ZNF2: variants seen among roughly 807,000 people sequenced by gnomAD.
The protein encoded by ZNF2 is zinc finger protein 2.
Under a neutral mutation model 21.9 loss-of-function variants are expected in ZNF2, and 12 were observed. The observed-to-expected ratio is 0.55, with a 90% CI of 0.35 to 0.89. The LOEUF (loss-of-function observed/expected upper bound fraction) is 0.89. Among genes scored for constraint, ZNF2 ranks in the 40% least tolerant of loss-of-function variants. The pLI is 0.01. For missense variants in ZNF2, 462 were observed against 544.2 expected (o/e 0.85, Z 1.50); for synonymous variants, 186 against 196.3 (o/e 0.95, Z 0.44).
At chr2:95,167,060 A>C (rs1186343294) in intron 1 of ZNF2, among the ~76,000 whole-genome samples, 1 of 152,222 alleles carries the variant, frequency 6.6e-6, no homozygotes, top group East Asian at 1.9e-4. Flanking sequence ...TATGGGCAGC[A>C]TCCATGTTTC....
intron 2 of ZNF2, 68 bp downstream of exon 2, chr2:95,176,327 T>G: frequency 1.0e-5 from 16 of 1,599,054 alleles, no homozygotes; most frequent in Non-Finnish European, 1.4e-5. Context: ...TTTCTTTCTC[T>G]ATCCTGGAGC....
chr2:95,176,132 G>T, intron 1 of ZNF2, 56 bp from the exon 2 acceptor site: 6 of 1,473,858 alleles, frequency 4.1e-6, no homozygotes, highest in Non-Finnish European at 5.7e-6. Flanking sequence ...AAGACTATGC[G>T]ACAGGACTGG....
At chr2:95,179,337 T>G (rs1385761582) in intron 3 of ZNF2, among the ~76,000 whole-genome samples, 1 of 152,200 alleles carries the variant, frequency 6.6e-6, no homozygotes, top group Non-Finnish European at 1.5e-5. Context: ...TGTCTTTGGA[T>G]ATCTGAATAG....
chr2:95,178,157 A>G (rs1416995899), intron 3 of ZNF2, among the ~76,000 whole-genome samples: 1 of 152,172 alleles, frequency 6.6e-6, no homozygotes, highest in Non-Finnish European at 1.5e-5. Flanking sequence ...AATTATAGAG[A>G]CTTGTGTGAC....
chr2:95,169,940 C>T (rs1190984889), intron 1 of ZNF2, among the ~76,000 whole-genome samples: 1 of 152,116 alleles, frequency 6.6e-6, no homozygotes, highest in East Asian at 1.9e-4. Flanking sequence ...ATATTACTTC[C>T]GTTATTCCAG....
At chr2:95,168,169 G>C (rs1252351369) in intron 1 of ZNF2, among the ~76,000 whole-genome samples, 1 of 152,012 alleles carries the variant, frequency 6.6e-6, no homozygotes, top group Non-Finnish European at 1.5e-5. Context: ...GCTCATGCCT[G>C]TAATCCCAGC....
In ZNF2 at chr2:95,182,304, A is replaced by G. The variant is rs932476926; in HGVS notation, c.*198A>G. The G allele has an allele frequency of 5.1e-5, 33 of 650,206 alleles. No homozygotes were observed. Among genetic ancestry groups the G allele is most frequent in the Non-Finnish European group, 7.9e-5 (32 of 405,374 alleles). 40.3% of individuals were successfully genotyped at this position (650,206 alleles called of 1,614,324 possible). A position where few individuals can be genotyped will look rare whatever the true frequency, so the allele number is the denominator to read the frequency against. ...AGGGGAGGCCATGGAAATGACTCTA[A>G]AGATACAAAATTTTGAAGAGGTTTG... On this transcript the variant is annotated 3_prime_UTR_variant, in exon 5 of 5. Coordinates refer to ENST00000614034, the MANE Select transcript of ZNF2 (RefSeq NM_021088.4).
chr2:95,178,986 T>G (rs1674544123), intron 3 of ZNF2, among the ~76,000 whole-genome samples: 2 of 150,464 alleles, frequency 1.3e-5, no homozygotes, highest in African/African-American at 4.9e-5. Context: ...CAGGTTTGGT[T>G]TTTTTTGTTT....
At chr2:95,177,269 A>T (rs1674478178) in intron 2 of ZNF2, among the ~76,000 whole-genome samples, 2 of 152,194 alleles carry the variant, frequency 1.3e-5, no homozygotes, top group Non-Finnish European at 2.9e-5. Flanking sequence ...TCAGAAGCTC[A>T]GCTGTAAGTA....
chr2:95,170,452 A>G (rs1377761476), intron 1 of ZNF2, among the ~76,000 whole-genome samples: 2 of 152,224 alleles, frequency 1.3e-5, no homozygotes, highest in Non-Finnish European at 2.9e-5. Context: ...GTGTGAACCC[A>G]TTGTTAAATA....
At chr2:95,175,400 T>C (rs940919732) in intron 1 of ZNF2, among the ~76,000 whole-genome samples, 2 of 152,222 alleles carry the variant, frequency 1.3e-5, no homozygotes, top group Non-Finnish European at 2.9e-5. Context: ...GTTTCACCGC[T>C]GATGGGACTG....
chr2:95,181,491 G>A lies in ZNF2; in HGVS notation c.663G>A (p.Met221Ile), dbSNP rs1674649463. ...GGAGCAGCCTCAGCAGACATCTGAT[G>A]TCACACACTGGGGAGAGCCCCTACG... ...SHRSSLSRHL[M>I]SHTGESPYEC... Residue 221 changes from methionine to isoleucine, a missense_variant, in exon 5 of 5, where the codon ATG becomes ATA. Met to Ile is a conservative substitution (Grantham distance 10). Coordinates refer to ENST00000614034, the MANE Select transcript of ZNF2 (RefSeq NM_021088.4). 3 of 1,614,038 alleles carry A rather than the reference G, an allele frequency of 1.9e-6. No homozygotes were observed. The South Asian group carries it at 3.3e-5, about 18-fold the overall frequency.
At chr2:95,179,746 A>AT (rs1243940137) in intron 3 of ZNF2, among the ~76,000 whole-genome samples, 1 of 151,980 alleles carries the variant, frequency 6.6e-6, no homozygotes, top group African/African-American at 2.4e-5. Context: ...TGCCTTTTGC[A>AT]TTTTCTCTCT....
intron 1 of ZNF2, among the ~76,000 whole-genome samples, chr2:95,172,898 A>G (rs1037656294): frequency 2.6e-5 from 4 of 151,662 alleles, no homozygotes; most frequent in African/African-American, 9.7e-5. Flanking sequence ...CGGTCTCCCA[A>G]AGTGCTGGGA....
intron 3 of ZNF2, 95 bp from the exon 4 acceptor site, chr2:95,180,064 A>G: frequency 1.1e-6 from 1 of 888,036 alleles, no homozygotes; most frequent in Non-Finnish European, 1.8e-6. Flanking sequence ...CTCAACAACA[A>G]CAAAAAAATC....
At position 95,177,623 on chromosome 2, in the gene ZNF2, C is replaced by G; in HGVS notation, c.160+14C>G. ...TTGTGTCATTGGGTAAGGGGAGCCT[C>G]CATGAGGAGGTACAGTCTGTACTAT... On this transcript the variant is annotated intron_variant, in intron 3 of 4. Transcript: ENST00000614034. 6.2e-7 allele frequency: 1 copy of G among 1,612,650 alleles called. No homozygotes were observed. Among genetic ancestry groups the G allele is most frequent in the East Asian group, 2.2e-5 (1 of 44,840 alleles).
intron 1 of ZNF2, among the ~76,000 whole-genome samples, chr2:95,167,235 G>A (rs1204153761): frequency 6.6e-6 from 1 of 152,212 alleles, no homozygotes; most frequent in Admixed American, 6.5e-5. Context: ...CGGGCACAGT[G>A]GCTCACGCCT....
Position 95,181,945 on chromosome 2 carries a change from G to A in ZNF2, c.1117G>A (p.Glu373Lys), listed in dbSNP as rs372113014. ...TGGAGACAAGCCATATGAATGCAGC[G>A]AATGCGGGAAAGCCTTTAGCCAGCG... ...HTGDKPYECS[E>K]CGKAFSQRCR... is the part of the protein sequence containing the mutation. The change falls in exon 5 of 5, where the codon GAA becomes AAA. Residue 373 changes from glutamate (E) to lysine (K), a missense_variant. Physicochemically the swap from Glu to Lys is moderately conservative, Grantham distance 56. Transcript: ENST00000614034. 7.4e-6 allele frequency: 12 copies of A among 1,614,144 alleles called. No homozygotes were observed. Among genetic ancestry groups the A allele is most frequent in the South Asian group, 2.2e-5 (2 of 91,090 alleles).
rs559511736 is a variant in ZNF2, at chr2:95,182,225, T to C, written c.*119T>C. ...TCTGGCTGCCGTTGTCCTGTCCTGC[T>C]TCTGCGCCAGAGTGTTTAATAAGCA... On this transcript the variant is annotated 3_prime_UTR_variant, in exon 5 of 5. Transcript: ENST00000614034. 5.4e-6 allele frequency: 7 copies of C among 1,304,646 alleles called. No homozygotes were observed. In the South Asian group the frequency reaches 8.8e-5, roughly 16 times the overall value. The allele number at this position is 1,304,646 out of a possible 1,614,324, so 80.8% of individuals were successfully genotyped here.
Sources: gnomAD v4.1 joint callset for allele counts (sites outside exome capture counted in the v4.1 genomes callset) on GRCh38, gnomAD v4.1.1 for gene constraint, MANE v1.5 for transcripts, NCBI Gene and HGNC (gene_info 2026-07-23, HGNC 2026-07-21) for gene names.